The following ATRX variants were observed in gnomAD, a reference collection of about 807,000 sequenced individuals.
The protein encoded by ATRX is chromatin remodeler ATRX.
A neutral mutation model predicts 172.6 loss-of-function variants in ATRX; 12 were observed. That is an observed-to-expected ratio of 0.07 (90% CI 0.04 to 0.11). The LOEUF is 0.11. Among genes scored for constraint, ATRX ranks in the 10% least tolerant of loss-of-function variants. ATRX has a pLI of 1.00. For missense variants in ATRX, 1,368 were observed against 1,767.4 expected (o/e 0.77, Z 4.05); for synonymous variants, 674 against 594.7 (o/e 1.13, Z -1.94).
chrX:77,621,671 C>T (rs1242346321), intron 19 of ATRX, among the ~76,000 whole-genome samples: 1 of 112,184 alleles, frequency 8.9e-6, no homozygotes, highest in East Asian at 2.8e-4. Context: ...AACATATACA[C>T]ACATATTACT....
chrX:77,775,629 G>A (rs1432327196), intron 1 of ATRX, among the ~76,000 whole-genome samples: 4 of 111,471 alleles, frequency 3.6e-5, no homozygotes, highest in Admixed American at 9.6e-5. Context: ...AGGCTGCAGT[G>A]AGCCATGACT....
At chrX:77,637,245 T>A (rs2068428567) in intron 15 of ATRX, among the ~76,000 whole-genome samples, 1 of 112,159 alleles carries the variant, frequency 8.9e-6, no homozygotes, top group Admixed American at 9.4e-5. Context: ...ATATAATACC[T>A]TCTAATTACA....
At chrX:77,558,171 CATT>C (rs1440543007) in intron 29 of ATRX, among the ~76,000 whole-genome samples, 8 of 109,643 alleles carry the variant, frequency 7.3e-5, no homozygotes, top group Admixed American at 2.0e-4. Flanking sequence ...TAAATGTATA[CATT>C]ATATTAAATG....
At chrX:77,590,925 C>T (rs1325992508) in intron 26 of ATRX, among the ~76,000 whole-genome samples, 4 of 111,950 alleles carry the variant, frequency 3.6e-5, no homozygotes, top group African/African-American at 1.3e-4. Flanking sequence ...TTTAAAACTT[C>T]TGCTCTATAA....
At chrX:77,738,191 C>T (rs1035831254) in intron 1 of ATRX, among the ~76,000 whole-genome samples, 3 of 107,817 alleles carry the variant, frequency 2.8e-5, no homozygotes, top group African/African-American at 1.0e-4. Flanking sequence ...TTAAATTAGC[C>T]GGCTGTGGTG....
chrX:77,555,140 C>T (rs1407807034), intron 30 of ATRX, among the ~76,000 whole-genome samples: 7 of 111,078 alleles, frequency 6.3e-5, no homozygotes, highest in African/African-American at 2.3e-4. Context: ...AGTTTGAAAA[C>T]GACTGGGTTC....
intron 15 of ATRX, among the ~76,000 whole-genome samples, chrX:77,643,522 C>T (rs2068760681): frequency 9.0e-6 from 1 of 111,326 alleles, no homozygotes; most frequent in Non-Finnish European, 1.9e-5. Context: ...GCCACCTCAA[C>T]CGATCTAGCC....
intron 28 of ATRX, among the ~76,000 whole-genome samples, chrX:77,559,836 C>T (rs906469561): frequency 9.0e-6 from 1 of 111,046 alleles, no homozygotes; most frequent in Non-Finnish European, 1.9e-5. Flanking sequence ...ATGGTAAAAA[C>T]GAATGAATAC....
chrX:77,651,085 C>T (rs1425563915), intron 15 of ATRX, among the ~76,000 whole-genome samples: 2 of 108,687 alleles, frequency 1.8e-5, no homozygotes, highest in African/African-American at 3.3e-5. Flanking sequence ...GGCATGGTGG[C>T]GTGCACCTGT....
intron 10 of ATRX, 163 bp downstream of exon 10, chrX:77,676,063 T>G: frequency 4.7e-6 from 2 of 422,133 alleles, no homozygotes; most frequent in African/African-American, 2.5e-5. Context: ...TTTTAGCCCA[T>G]TTTCTGGCCT....
rs189938171 is a variant in ATRX at position 77,551,894 on chromosome X, C to A, written c.6699+5557G>T. Among the ~76,000 whole-genome samples, 6 of 111,822 alleles carry A rather than the reference C, an allele frequency of 5.4e-5. No individual in the cohort carries two copies. In the East Asian group the frequency reaches 1.7e-3, roughly 31 times the overall value. On this transcript the variant is annotated intron_variant, in intron 30 of 34. Transcript: ENST00000373344. ...ATGCTCATCATCACTGGTCATCAGA[C>A]AAATGCAAATCAAAACCACAATGAG...
intron 1 of ATRX, among the ~76,000 whole-genome samples, chrX:77,744,457 A>T (rs2074989608): frequency 8.9e-6 from 1 of 112,223 alleles, no homozygotes; most frequent in Non-Finnish European, 1.9e-5. Context: ...CATGCACAGA[A>T]ATCAATGAAA....
intron 19 of ATRX, among the ~76,000 whole-genome samples, chrX:77,624,366 CAAAAAAAGAAAA>C (rs1390756852): frequency 9.2e-6 from 1 of 109,251 alleles, no homozygotes; most frequent in Non-Finnish European, 1.9e-5. Context: ...GACTCCATCT[CAAAAAAAGAAAA>C]AGAAAAAGAA....
chrX:77,646,522 C>CA (rs1473357271), intron 15 of ATRX, among the ~76,000 whole-genome samples: 1 of 110,675 alleles, frequency 9.0e-6, no homozygotes, highest in Non-Finnish European at 1.9e-5. Context: ...AAAACTAAAA[C>CA]AAAAAAAGAG....
At chrX:77,608,916 A>T (rs914554623) in intron 22 of ATRX, among the ~76,000 whole-genome samples, 6 of 112,297 alleles carry the variant, frequency 5.3e-5, no homozygotes, top group Non-Finnish European at 1.1e-4. Context: ...CAACCTAATT[A>T]AAAAATTGGC....
intron 1 of ATRX, among the ~76,000 whole-genome samples, chrX:77,735,429 T>A (rs1244686511): frequency 9.0e-6 from 1 of 110,616 alleles, no homozygotes; most frequent in Non-Finnish European, 1.9e-5. Context: ...CCGTCTCTAA[T>A]AAAAATACAA....
At chrX:77,518,320 G>A (rs782393705) in intron 34 of ATRX, among the ~76,000 whole-genome samples, 46 of 112,113 alleles carry the variant, frequency 4.1e-4, no homozygotes, top group Non-Finnish European at 8.5e-4. Context: ...ACTTAGTAAA[G>A]TGGCAGCATA....
intron 2 of ATRX, among the ~76,000 whole-genome samples, chrX:77,702,666 T>C (rs782099188): frequency 4.5e-5 from 5 of 111,556 alleles, no homozygotes; most frequent in African/African-American, 9.8e-5. Context: ...TAAAACGCTA[T>C]TGAAAGAAAT....
chrX:77,782,965 G>A (rs12837608), intron 1 of ATRX, among the ~76,000 whole-genome samples: 1,700 of 110,666 alleles, frequency 0.015, 14 homozygotes, highest in Non-Finnish European at 0.023. Flanking sequence ...CAGGCGCGGT[G>A]GATCACACCT....
Sources: gnomAD v4.1 joint callset for allele counts (sites outside exome capture counted in the v4.1 genomes callset) on GRCh38, gnomAD v4.1.1 for gene constraint, MANE v1.5 for transcripts, NCBI Gene and HGNC (gene_info 2026-07-23, HGNC 2026-07-21) for gene names.